Variants in ENGASE observed in about 807,000 individuals in gnomAD.
ENGASE encodes endo-beta-N-acetylglucosaminidase, also known as cytosolic endo-beta-N-acetylglucosaminidase.
Under a neutral mutation model 78.5 loss-of-function variants are expected in ENGASE, and 69 were observed. That is an observed-to-expected ratio of 0.88 (90% CI 0.72 to 1.07). The LOEUF (loss-of-function observed/expected upper bound fraction) is 1.07, where lower values mean the gene tolerates loss of function less well. ENGASE is among the 50% of genes least tolerant of loss of function. The probability of loss-of-function intolerance (pLI) is 0.00; values close to 1 mark genes in which losing one functional copy is unlikely to be tolerated. For missense variants in ENGASE, 943 were observed against 988.4 expected, an observed-to-expected ratio of 0.95 and a Z score of 0.62; for synonymous variants, 408 against 408.9, an observed-to-expected ratio of 1.00 and a Z score of 0.03.
intron 6 of ENGASE, 147 bp from the exon 7 acceptor site, chr17:79,081,751 T>TGGGGTGGGGG: frequency 3.7e-6 from 2 of 543,380 alleles, no homozygotes; most frequent in African/African-American, 7.4e-5. Flanking sequence ...TGAGGCTGTG[T>TGGGGTGGGGG]GGGGTGGGGT....
In ENGASE at chr17:79,082,057, A is replaced by C. The variant is rs779038846; in HGVS notation, c.1032A>C (p.Thr344=). ...RGNVVGGRFD[T]DKSLELIRKH... ...ACGTGGTCGGAGGCCGATTCGACAC[A>C]GACAAGGTGGGTGGTGGCTTTCGTC... is the stretch of plus-strand genomic sequence containing the variant. Residue 344 remains threonine, a synonymous_variant, in exon 7 of 14, where the codon ACA becomes ACC. Transcript: ENST00000579016. 1 of 1,614,210 alleles carries C rather than the reference A, an allele frequency of 6.2e-7. No individual in the cohort carries two copies. The highest frequency in any genetic ancestry group is 2.2e-5 in the East Asian group (1 of 44,882).
chr17:79,077,851 T>C lies in ENGASE; in HGVS notation c.403T>C (p.Tyr135His), dbSNP rs1480732856. 2.5e-6 allele frequency: 4 copies of C among 1,612,342 alleles called. No homozygotes were observed. Among genetic ancestry groups the C allele is most frequent in the Non-Finnish European group, 3.4e-6 (4 of 1,179,366 alleles). Residue 135 changes from tyrosine (Y) to histidine (H), a missense_variant, in exon 3 of 14, where the codon TAC becomes CAC. Coordinates refer to ENST00000579016, the MANE Select transcript of ENGASE (RefSeq NM_001042573.3). ...TLLCHDMMGG[Y>H]LDDRFIQGSV... ...GTTGTGTCATGACATGATGGGCGGG[T>C]ACCTGGATGACAGGTGAGGACCTGG...
In ENGASE at chr17:79,085,701, G is replaced by A. The variant is rs559768928; in HGVS notation, c.1782G>A (p.Glu594=). The change falls in exon 13 of 14, where the codon GAG becomes GAA. Residue 594 remains glutamate, a synonymous_variant. Transcript: ENST00000579016. The part of the protein sequence containing the change: ...CFSRPPGSRE[E]ESFTCRLGEI... ...CACGGCCGCCGGGTAGTCGGGAGGA[G>A]GAGAGCTTCACCTGTCGGCTTGGAG... 6 of 1,613,970 alleles carry A rather than the reference G, an allele frequency of 3.7e-6. No individual in the cohort carries two copies. The East Asian group carries it at 1.1e-4, about 30-fold the overall frequency.
intron 10 of ENGASE, 110 bp from the exon 11 acceptor site, chr17:79,084,428 C>A: frequency 3.5e-6 from 4 of 1,147,088 alleles, no homozygotes; most frequent in South Asian, 1.7e-5. Flanking sequence ...GAGCATTTGG[C>A]ACCCAGGCCC....
At chr17:79,076,633 G>A (rs1158570859) in intron 1 of ENGASE, among the ~76,000 whole-genome samples, 2 of 152,180 alleles carry the variant, frequency 1.3e-5, no homozygotes, top group Non-Finnish European at 2.9e-5. Flanking sequence ...TTAATGTACC[G>A]AAGGAACGAA....
chr17:79,085,084 C>G, intron 11 of ENGASE, 150 bp from the exon 12 acceptor site: 1 of 719,792 alleles, frequency 1.4e-6, no homozygotes, highest in Non-Finnish European at 2.5e-6. Flanking sequence ...CGAGCTCCTC[C>G]GGAGTCCTTG....
intron 3 of ENGASE, among the ~76,000 whole-genome samples, chr17:79,078,361 A>G (rs2073020692): frequency 1.3e-5 from 2 of 152,172 alleles, no homozygotes; most frequent in Admixed American, 6.5e-5. Flanking sequence ...AAATAAAAAA[A>G]GGAAGGTTGG....
intron 1 of ENGASE, chr17:79,075,972 C>A: frequency 1.1e-6 from 1 of 898,268 alleles, no homozygotes; most frequent in Non-Finnish European, 1.3e-6. Flanking sequence ...AGGAAGGGGG[C>A]TTTGGAAAAG....
At chr17:79,075,236 G>A in intron 1 of ENGASE, 146 bp downstream of exon 1, 1 of 994,980 alleles carries the variant, frequency 1.0e-6, no homozygotes, top group Non-Finnish European at 1.3e-6. Flanking sequence ...ACAGAGGGTG[G>A]CAGCGCCCCT....
chr17:79,084,439 CCT>C, intron 10 of ENGASE, 97 bp from the exon 11 acceptor site: 1 of 1,252,484 alleles, frequency 8.0e-7, no homozygotes, highest in East Asian at 2.7e-5. Context: ...ACCCAGGCCC[CCT>C]GTTCCTGGAG....
At chr17:79,085,384 G>T (rs2073266232) in intron 12 of ENGASE, 42 bp downstream of exon 12, 4 of 1,511,416 alleles carry the variant, frequency 2.6e-6, no homozygotes, top group Non-Finnish European at 3.6e-6. Context: ...CCTCACTCAA[G>T]TCTCTGTTGG....
chr17:79,082,335 G>A, intron 7 of ENGASE: 1 of 1,326,602 alleles, frequency 7.5e-7, no homozygotes, highest in Non-Finnish European at 9.7e-7. Context: ...CCGCTGTCCG[G>A]TCCTCGGCGG....
intron 3 of ENGASE, among the ~76,000 whole-genome samples, chr17:79,079,111 G>A (rs1473345731): frequency 1.3e-5 from 2 of 152,192 alleles, no homozygotes; most frequent in African/African-American, 4.8e-5. Context: ...AACCTTTGGG[G>A]ACACCCTGCG....
chr17:79,082,397 C>T (rs1467078125), intron 7 of ENGASE: 1 of 1,247,854 alleles, frequency 8.0e-7, no homozygotes, highest in East Asian at 4.7e-5. Flanking sequence ...GTGAGGGAAG[C>T]CTGCGGGGAC....
intron 12 of ENGASE, 97 bp downstream of exon 12, chr17:79,085,439 C>A: frequency 7.4e-7 from 1 of 1,343,694 alleles, no homozygotes; most frequent in Non-Finnish European, 1.0e-6. Context: ...GGCTGGCCCC[C>A]AGGTTTTGGG....
chr17:79,078,657 G>A (rs1230389383), intron 3 of ENGASE, among the ~76,000 whole-genome samples: 1 of 152,226 alleles, frequency 6.6e-6, no homozygotes, highest in Non-Finnish European at 1.5e-5. Context: ...CGTGGAGTCC[G>A]CGCGGCGCTT....
rs1255870381 is a variant in ENGASE, at chr17:79,083,487, G to C, written c.1148G>C (p.Trp383Ser). 1.2e-6 allele frequency: 2 copies of C among 1,613,600 alleles called. No individual in the cohort carries two copies. The highest frequency in any genetic ancestry group is 2.7e-5 in the African/African-American group (2 of 74,902). The change falls in exon 9 of 14, where the codon TGG (tryptophan) becomes TCG (serine). Residue 383 changes from tryptophan (W) to serine (S), a missense_variant. Trp to Ser is a radical substitution (Grantham distance 177). Coordinates refer to ENST00000579016, the MANE Select transcript of ENGASE (RefSeq NM_001042573.3). The surrounding 1 kb of genome is among the most constrained non-coding windows in gnomAD (Gnocchi z 4.9). ...KDFFQNQDKFWGRLERYLPTH... is the reference protein window; with the variant it reads ...KDFFQNQDKFSGRLERYLPTH... ...TGCCCCCATGTCTCTGGCAGGTTCT[G>C]GGGCCGACTGGAGCGTTATCTGCCC...
Position 79,080,205 on chromosome 17 carries a change from A to G in ENGASE, c.566-2A>G, listed in dbSNP as rs746159054. 14 of 1,593,358 alleles carry G rather than the reference A, an allele frequency of 8.8e-6. No individual in the cohort carries two copies. The highest frequency in any genetic ancestry group is 1.1e-5 in the Non-Finnish European group (13 of 1,168,432). On this transcript the variant is annotated splice_acceptor_variant, in intron 4 of 13. Transcript: ENST00000579016. LOFTEE classifies it high-confidence loss of function. Reference sequence around the variant, plus strand: ...GACCTTGTTTCTCTCCTATCCTCACAGGGACTTTCATCACGGAGTGGAATG... The same window carrying G: ...GACCTTGTTTCTCTCCTATCCTCACGGGGACTTTCATCACGGAGTGGAATG...
intron 1 of ENGASE, 96 bp downstream of exon 1, chr17:79,075,186 G>GGC: frequency 2.6e-6 from 3 of 1,167,662 alleles, no homozygotes; most frequent in Non-Finnish European, 3.2e-6. Flanking sequence ...GCCGAGGGGC[G>GGC]GGGGGCCGGC....
Sources: gnomAD v4.1 joint callset for allele counts (sites outside exome capture counted in the v4.1 genomes callset) on GRCh38, gnomAD v4.1.1 for gene constraint, Gnocchi (gnomAD v3.1) non-coding constraint, MANE v1.5 for transcripts, NCBI Gene and HGNC (gene_info 2026-07-23, HGNC 2026-07-21) for gene names.